Variants in SLC6A6 observed in about 807,000 individuals in gnomAD.
The protein encoded by SLC6A6 is sodium- and chloride-dependent taurine transporter.
In SLC6A6, 16 loss-of-function variants were observed where a neutral mutation model predicts 68.8. That is an observed-to-expected ratio of 0.23 (90% CI 0.16 to 0.35). The LOEUF is 0.35. Among genes scored for constraint, SLC6A6 ranks in the 10% least tolerant of loss-of-function variants. SLC6A6 has a pLI of 1.00. For synonymous variants in SLC6A6, 312 were observed against 315.4 expected, an observed-to-expected ratio of 0.99 and a Z score of 0.12; for missense variants, 474 against 802.8, an observed-to-expected ratio of 0.59 and a Z score of 4.95.
At chr3:14,413,943 T>C (rs1224267858) in intron 1 of SLC6A6, among the ~76,000 whole-genome samples, 1 of 152,212 alleles carries the variant, frequency 6.6e-6, no homozygotes, top group Non-Finnish European at 1.5e-5. Context: ...ATTTTTTTTA[T>C]TTATTTATTT....
At chr3:14,478,733 C>T (rs1405654459) in intron 12 of SLC6A6, 165 bp downstream of exon 12, 2 of 624,194 alleles carry the variant, frequency 3.2e-6, no homozygotes, top group Non-Finnish European at 5.7e-6. Context: ...CACTGAAGAT[C>T]CTCCTGGTGC....
intron 10 of SLC6A6, among the ~76,000 whole-genome samples, chr3:14,475,085 G>T (rs1031738197): frequency 6.6e-6 from 1 of 152,246 alleles, no homozygotes; most frequent in Non-Finnish European, 1.5e-5. Context: ...AGGTTAGAGT[G>T]CAGTGGCGCA....
chr3:14,422,059 A>G (rs1006925875), intron 2 of SLC6A6, among the ~76,000 whole-genome samples: 10 of 152,154 alleles, frequency 6.6e-5, no homozygotes, highest in African/African-American at 2.4e-4. Context: ...ACCTCAGTGA[A>G]GTCTGAGGGG....
chr3:14,417,455 G>T (rs1421252600), intron 2 of SLC6A6, among the ~76,000 whole-genome samples: 1 of 151,876 alleles, frequency 6.6e-6, no homozygotes, highest in Non-Finnish European at 1.5e-5. Context: ...GGCCAGGCCG[G>T]GCGCCGTGGC....
chr3:14,476,259 T>G (rs546247479), intron 10 of SLC6A6, among the ~76,000 whole-genome samples: 1 of 152,288 alleles, frequency 6.6e-6, no homozygotes, highest in African/African-American at 2.4e-5. Context: ...GAGGAAGAGC[T>G]GAGTCTGGAG....
At chr3:14,441,609 C>T (rs1035879870) in intron 2 of SLC6A6, among the ~76,000 whole-genome samples, 2 of 152,166 alleles carry the variant, frequency 1.3e-5, no homozygotes, top group African/African-American at 2.4e-5. Flanking sequence ...GTGGGGGAAA[C>T]GGGGGTTTTG....
At chr3:14,467,633 TGCTAGGTCGCTGGGAGGTGG>T (rs940579857) in intron 7 of SLC6A6, among the ~76,000 whole-genome samples, 200 bp from the exon 8 acceptor site, 2 of 152,204 alleles carry the variant, frequency 1.3e-5, no homozygotes, top group African/African-American at 4.8e-5. Flanking sequence ...TTAACCCTGA[TGCTAGGTCGCTGGGAGGTGG>T]GGTGTTTGAT....
At chr3:14,421,047 G>A (rs553368975) in intron 2 of SLC6A6, among the ~76,000 whole-genome samples, 6 of 152,322 alleles carry the variant, frequency 3.9e-5, no homozygotes, top group African/African-American at 9.6e-5. Flanking sequence ...CATTGACCCC[G>A]CAGGGGTTGC....
chr3:14,434,966 A>G (rs982457942), intron 2 of SLC6A6, among the ~76,000 whole-genome samples: 4 of 152,248 alleles, frequency 2.6e-5, no homozygotes, highest in East Asian at 3.8e-4. Context: ...TATGAGGGGA[A>G]GGTGACAAGT....
intron 2 of SLC6A6, among the ~76,000 whole-genome samples, chr3:14,433,990 C>G (rs1228151731): frequency 6.6e-6 from 1 of 152,168 alleles, no homozygotes; most frequent in African/African-American, 2.4e-5. Flanking sequence ...GGTTCTAACT[C>G]TGGCCTTGGG....
intron 1 of SLC6A6, among the ~76,000 whole-genome samples, chr3:14,414,809 A>G (rs1471410564): frequency 2.0e-5 from 3 of 152,216 alleles, no homozygotes; most frequent in Admixed American, 2.0e-4. Flanking sequence ...GATTGCAGAC[A>G]TGAGCACACC....
intron 6 of SLC6A6, among the ~76,000 whole-genome samples, chr3:14,464,783 G>T (rs1302677729): frequency 6.6e-6 from 1 of 152,178 alleles, no homozygotes; most frequent in African/African-American, 2.4e-5. Flanking sequence ...TTCCTCTCCT[G>T]TAAAATGGGT....
At chr3:14,425,637 C>T (rs946914711) in intron 2 of SLC6A6, among the ~76,000 whole-genome samples, 37 of 117,994 alleles carry the variant, frequency 3.1e-4, no homozygotes, top group African/African-American at 1.1e-3. Flanking sequence ...TGATTACACC[C>T]GGGGCTGCAG....
intron 2 of SLC6A6, 96 bp from the exon 3 acceptor site, chr3:14,443,528 G>T: frequency 1.2e-6 from 1 of 860,842 alleles, no homozygotes; most frequent in Non-Finnish European, 1.9e-6. Context: ...CCGGGCAGGT[G>T]GGAGCCGGCT....
intron 13 of SLC6A6, among the ~76,000 whole-genome samples, chr3:14,479,997 A>G (rs1268519693): frequency 6.6e-6 from 1 of 152,178 alleles, no homozygotes; most frequent in Admixed American, 6.5e-5. Context: ...GAGGACAAAT[A>G]GGCCCTCCCC....
rs765067708 is a variant in SLC6A6 at position 14,447,638 on chromosome 3, A to G, written c.421A>G (p.Ile141Val). 1 of 1,614,236 alleles carries G rather than the reference A, an allele frequency of 6.2e-7. No homozygotes were observed. ...VSLLNVYYIV[I>V]LAWATYYLFQ... is the part of the protein sequence containing the mutation. Reference sequence around the variant, plus strand: ...CCTCCTGAATGTCTACTACATCGTCATCCTGGCCTGGGCCACATACTACCT... The same window carrying G: ...CCTCCTGAATGTCTACTACATCGTCGTCCTGGCCTGGGCCACATACTACCT... Residue 141 changes from isoleucine (I) to valine (V), a missense_variant, in exon 5 of 15, where the codon ATC becomes GTC. By Grantham distance (29) the Ile-to-Val change is conservative. Coordinates refer to ENST00000622186, the MANE Select transcript of SLC6A6 (RefSeq NM_003043.6).
Position 14,445,606 on chromosome 3 carries a change from C to T in SLC6A6, c.230-111C>T, listed in dbSNP as rs1322627081. ...GGTCCAAGAGTTTGGCCTTGAGCCT[C>T]ATGCCCCTCATGCATTCTCTCTGGT... On this transcript the variant is annotated intron_variant, in intron 3 of 14. Transcript: ENST00000622186. The T allele has an allele frequency of 4.0e-6, 5 of 1,240,102 alleles. No homozygotes were observed. The African/African-American group carries it at 7.4e-5, about 18-fold the overall frequency. 76.8% of individuals were successfully genotyped at this position (1,240,102 alleles called of 1,614,324 possible).
rs559405263 is a variant in SLC6A6, at chr3:14,462,646, C to T, written c.733-3870C>T. 3.3e-5 allele frequency among the ~76,000 whole-genome samples: 5 copies of T among 152,080 alleles called. No homozygotes were observed. The East Asian group carries it at 9.7e-4, about 29-fold the overall frequency. On this transcript the variant is annotated intron_variant, in intron 6 of 14. Transcript: ENST00000622186. ...CCCGGGAAGTTGAGACTGCAGTGAG[C>T]TTTGATTGCGCCATTGCACTCTAGC...
intron 13 of SLC6A6, 53 bp downstream of exon 13, chr3:14,479,238 A>T: frequency 9.2e-7 from 1 of 1,091,718 alleles, no homozygotes; most frequent in Non-Finnish European, 1.4e-6. Flanking sequence ...CTGGGGCTTG[A>T]CATTTTCACC....
Sources: gnomAD v4.1 joint callset for allele counts (sites outside exome capture counted in the v4.1 genomes callset) on GRCh38, gnomAD v4.1.1 for gene constraint, MANE v1.5 for transcripts, NCBI Gene and HGNC (gene_info 2026-07-23, HGNC 2026-07-21) for gene names.